GLIS3: variants seen among roughly 807,000 people sequenced by gnomAD.
GLIS3 encodes zinc finger protein GLIS3.
A neutral mutation model predicts 78.6 loss-of-function variants in GLIS3; 53 were observed. The observed-to-expected ratio is 0.67, with a 90% confidence interval of 0.54 to 0.85. The LOEUF (loss-of-function observed/expected upper bound fraction) is 0.85. GLIS3 is among the 40% of genes least tolerant of loss of function. The pLI, the probability that GLIS3 is intolerant of heterozygous loss-of-function variation, is 0.00. For missense variants in GLIS3, 1,703 were observed against 1,231.1 expected, an observed-to-expected ratio of 1.38 and a Z score of -5.74; for synonymous variants, 684 against 509.9, an observed-to-expected ratio of 1.34 and a Z score of -4.60.
At chr9:4,407,503 C>A in the GLIS3 span, among the ~76,000 whole-genome samples, 1 of 152,038 alleles carries the variant, frequency 6.6e-6, no homozygotes, top group African/African-American at 2.4e-5. Context: ...AACAATTAGC[C>A]GGGCGTGGTG....
the GLIS3 span, among the ~76,000 whole-genome samples, chr9:4,443,290 T>G: frequency 5.8e-4 from 89 of 152,292 alleles, no homozygotes; most frequent in African/African-American, 2.0e-3. Context: ...TTCTGATAAA[T>G]AAGGACTTTC....
Position 4,049,183 on chromosome 9 carries a change from G to A in GLIS3, c.1710+68585C>T, listed in dbSNP as rs16920511. Among the ~76,000 whole-genome samples the A allele has an allele frequency of 8.6e-3, 1,317 of 152,294 alleles. 16 individuals carry two copies. Among genetic ancestry groups the A allele is most frequent in the African/African-American group, 0.03 (1,261 of 41,564 alleles). On this transcript the variant is annotated intron_variant, in intron 4 of 10. Coordinates refer to ENST00000381971, the MANE Select transcript of GLIS3 (RefSeq NM_001042413.2). ...CACCTGGATAGGAACTACTCCAGAA[G>A]TCTAGGATACAGAGAGATTTCCAGA... is the stretch of plus-strand genomic sequence containing the variant.
chr9:4,174,828 T>G (rs1816679763), intron 2 of GLIS3, among the ~76,000 whole-genome samples: 1 of 152,248 alleles, frequency 6.6e-6, no homozygotes, highest in Admixed American at 6.5e-5. Context: ...ATGATTCATC[T>G]GCATTTTATT....
rs555751647 is a variant in GLIS3, at chr9:4,175,746, G to A, written c.389-49805C>T. The stretch of plus-strand genomic sequence containing the variant: ...CGCTGGGAGAAGGCCCAGAGGAAGT[G>A]AAGCAATGTAACAAACAGGGATTGA... On this transcript the variant is annotated intron_variant, in intron 2 of 10. Transcript: ENST00000381971. Among the ~76,000 whole-genome samples, 5 of 152,348 alleles carry A rather than the reference G, an allele frequency of 3.3e-5. No homozygotes were observed. The South Asian group carries it at 8.3e-4, about 25-fold the overall frequency.
intron 2 of GLIS3, among the ~76,000 whole-genome samples, chr9:4,152,646 G>A (rs188835624): frequency 1.4e-4 from 21 of 152,128 alleles, no homozygotes; most frequent in Middle Eastern, 6.8e-3. Context: ...TTAAATTTCA[G>A]AAATTCTTTC....
At chr9:4,462,637 ACG>A in the GLIS3 span, among the ~76,000 whole-genome samples, 57 of 141,642 alleles carry the variant, frequency 4.0e-4, no homozygotes, top group African/African-American at 9.7e-4. Flanking sequence ...ACACACAGAC[ACG>A]CACACACACA....
intron 4 of GLIS3, among the ~76,000 whole-genome samples, chr9:4,062,487 G>GGACT (rs1826733703): frequency 6.6e-6 from 1 of 152,182 alleles, no homozygotes; most frequent in African/African-American, 2.4e-5. Flanking sequence ...GAGGCTTGAG[G>GGACT]GACTAGTGTC....
rs1408159240 is a variant in GLIS3, at chr9:4,286,183, C to T, written c.243G>A (p.Leu81=). 6.2e-7 allele frequency: 1 copy of T among 1,614,246 alleles called. No individual in the cohort carries two copies. The highest frequency in any genetic ancestry group is 2.2e-5 in the East Asian group (1 of 44,884). ...QNNVAESRIH[L]PALSPRRQML... ...TTTGTCTCCTGGGGCTTAAGGCAGG[C>T]AGATGGATGCGGCTCTCAGCCACGT... is the stretch of plus-strand genomic sequence containing the variant. The change falls in exon 2 of 11, where the codon CTG becomes CTA. Residue 81 remains leucine, a synonymous_variant. Transcript: ENST00000381971.
intron 4 of GLIS3, among the ~76,000 whole-genome samples, chr9:4,086,051 C>A (rs1202546374): frequency 3.9e-5 from 6 of 152,346 alleles, no homozygotes; most frequent in Admixed American, 3.9e-4. Context: ...TTAACCATTT[C>A]TTTGTCCTTA....
At chr9:4,414,703 T>A in the GLIS3 span, among the ~76,000 whole-genome samples, 1 of 152,136 alleles carries the variant, frequency 6.6e-6, no homozygotes, top group Non-Finnish European at 1.5e-5. Flanking sequence ...GTGCACCTCT[T>A]TGAAAATTCC....
chr9:3,828,468 A>G lies in GLIS3; in HGVS notation c.2657-60T>C. The G allele has an allele frequency of 2.5e-6, 4 of 1,601,060 alleles. No homozygotes were observed. The South Asian group carries it at 3.3e-5, about 13-fold the overall frequency. On this transcript the variant is annotated intron_variant, in intron 10 of 10. Transcript: ENST00000381971. ...CCTGCCCCATGCCACGCCCACTGGA[A>G]ATGCACTACAGTAATGCAGCTCACC...
the GLIS3 span, among the ~76,000 whole-genome samples, chr9:4,402,811 C>T: frequency 1.3e-5 from 2 of 152,084 alleles, no homozygotes; most frequent in East Asian, 3.9e-4. Flanking sequence ...AGGAAGCATG[C>T]CTAGAAGATC....
the GLIS3 span, among the ~76,000 whole-genome samples, chr9:4,456,583 G>C: frequency 4.6e-5 from 7 of 152,298 alleles, no homozygotes; most frequent in Non-Finnish European, 1.0e-4. Context: ...ATTCACAACT[G>C]TTTGGTGCAA....
intron 4 of GLIS3, among the ~76,000 whole-genome samples, chr9:3,975,953 C>T (rs369345584): frequency 1.3e-5 from 2 of 152,198 alleles, no homozygotes; most frequent in African/African-American, 2.4e-5. Context: ...AGGTGAAACA[C>T]CATTAAATCT....
At chr9:4,040,653 G>A (rs1824731145) in intron 4 of GLIS3, among the ~76,000 whole-genome samples, 1 of 152,172 alleles carries the variant, frequency 6.6e-6, no homozygotes, top group South Asian at 2.1e-4. Flanking sequence ...TAATGTGGAC[G>A]ATAAAGACAG....
At chr9:4,353,454 G>C in the GLIS3 span, among the ~76,000 whole-genome samples, 1 of 152,178 alleles carries the variant, frequency 6.6e-6, no homozygotes, top group Non-Finnish European at 1.5e-5. Flanking sequence ...GGATTCCAAA[G>C]TTCAGGGCCA....
At chr9:4,039,242 C>T (rs1020537281) in intron 4 of GLIS3, among the ~76,000 whole-genome samples, 1 of 152,132 alleles carries the variant, frequency 6.6e-6, no homozygotes, top group Non-Finnish European at 1.5e-5. Flanking sequence ...AAAGGTATTT[C>T]TGCATATATT....
chr9:3,999,456 A>T (rs1171924205), intron 4 of GLIS3, among the ~76,000 whole-genome samples: 2 of 152,210 alleles, frequency 1.3e-5, no homozygotes, highest in Non-Finnish European at 2.9e-5. Flanking sequence ...TCTATGCACC[A>T]GCAATGAAGA....
At chr9:4,206,712 A>T (rs1819913743) in intron 2 of GLIS3, among the ~76,000 whole-genome samples, 1 of 152,230 alleles carries the variant, frequency 6.6e-6, no homozygotes, top group Non-Finnish European at 1.5e-5. Flanking sequence ...TACTGGTGAA[A>T]AATGCAGAAT....
Sources: allele counts gnomAD v4.1 joint callset (sites outside exome capture counted in the v4.1 genomes callset), GRCh38; gene constraint gnomAD v4.1.1; transcripts MANE v1.5; gene names NCBI Gene and HGNC (gene_info 2026-07-23, HGNC 2026-07-21).